Variants in CYP4Z1 observed in about 807,000 individuals in gnomAD.
The protein encoded by CYP4Z1 is cytochrome P450 4Z1.
A neutral mutation model predicts 54.2 loss-of-function variants in CYP4Z1; 41 were observed. The ratio of observed to expected loss-of-function variants is 0.76; its 90% CI spans 0.59 to 0.98. The LOEUF is 0.98. Ranked by LOEUF, CYP4Z1 falls within the 50% of genes least tolerant of loss-of-function variation. The pLI, the probability that CYP4Z1 is intolerant of heterozygous loss-of-function variation, is 0.00. For synonymous variants in CYP4Z1, 163 were observed against 206.2 expected (o/e 0.79, Z 1.79); for missense variants, 513 against 599.0 (o/e 0.86, Z 1.50).
intron 2 of CYP4Z1, among the ~76,000 whole-genome samples, chr1:47,077,068 G>A (rs1371608535): frequency 6.6e-6 from 1 of 151,552 alleles, no homozygotes; most frequent in African/African-American, 2.4e-5. Context: ...CTGTTGTTAG[G>A]TGGAGCTTTT....
At chr1:47,068,814 A>G (rs1170634256) in intron 2 of CYP4Z1, 51 bp downstream of exon 2, 2 of 1,590,444 alleles carry the variant, frequency 1.3e-6, no homozygotes, top group Non-Finnish European at 1.7e-6. Flanking sequence ...AGAGGGTCTC[A>G]GGGTGTCTGT....
At chr1:47,111,533 G>A (rs6588359) in intron 9 of CYP4Z1, among the ~76,000 whole-genome samples, 1,886 of 152,212 alleles carry the variant, frequency 0.012, 60 homozygotes, top group African/African-American at 0.043. Context: ...AACAGTCAAA[G>A]GCACCCTACT....
chr1:47,061,172 T>A, the CYP4Z1 span, among the ~76,000 whole-genome samples: 1 of 152,128 alleles, frequency 6.6e-6, no homozygotes, highest in Non-Finnish European at 1.5e-5. Context: ...ACTCCAAAGC[T>A]AGCAGAAGAC....
the CYP4Z1 span, among the ~76,000 whole-genome samples, chr1:47,057,524 A>G: frequency 7.8e-6 from 1 of 127,646 alleles, no homozygotes; most frequent in Non-Finnish European, 1.6e-5. Context: ...TTTAGATTGC[A>G]TATCTTCCAA....
chr1:47,084,320 A>G (rs1644576279), intron 4 of CYP4Z1, among the ~76,000 whole-genome samples: 1 of 151,180 alleles, frequency 6.6e-6, no homozygotes, highest in African/African-American at 2.4e-5. Flanking sequence ...TTTTTATTCC[A>G]TGTTTTGTCA....
chr1:47,092,213 T>C (rs1376553790), intron 6 of CYP4Z1, among the ~76,000 whole-genome samples: 2 of 152,056 alleles, frequency 1.3e-5, no homozygotes, highest in East Asian at 3.9e-4. Flanking sequence ...CGATAGAAAC[T>C]AGCGGATGCA....
chr1:47,082,104 A>G (rs1452602159), intron 3 of CYP4Z1, among the ~76,000 whole-genome samples: 1 of 151,604 alleles, frequency 6.6e-6, no homozygotes, highest in African/African-American at 2.4e-5. Context: ...GAATCTGACC[A>G]TCAAATAGGA....
intron 8 of CYP4Z1, 39 bp from the exon 9 acceptor site, chr1:47,106,089 C>T (rs779538215): frequency 3.8e-6 from 6 of 1,594,396 alleles, no homozygotes; most frequent in East Asian, 4.5e-5. Flanking sequence ...GCCTAAGTGA[C>T]TACTCCTCCT....
At chr1:47,077,066 A>G (rs1009469914) in intron 2 of CYP4Z1, among the ~76,000 whole-genome samples, 37 of 151,766 alleles carry the variant, frequency 2.4e-4, no homozygotes, top group African/African-American at 8.5e-4. Context: ...TGCTGTTGTT[A>G]GGTGGAGCTT....
At chr1:47,095,979 G>A (rs1371602748) in intron 7 of CYP4Z1, among the ~76,000 whole-genome samples, 1 of 152,118 alleles carries the variant, frequency 6.6e-6, no homozygotes, top group Non-Finnish European at 1.5e-5. Flanking sequence ...AATACTCTGT[G>A]AACTCAACTT....
Position 47,106,188 on chromosome 1 carries a change from C to A in CYP4Z1, c.1128C>A (p.Tyr376Ter), listed in dbSNP as rs142306823. ...GCATCAAGGAATGCCTCCGCCTCTA[C>A]GCACCGGTAGTAAACATATCCCGGT... The part of the protein sequence containing the change: ...TMCIKECLRL[Y>*]APVVNISRLL... Residue 376 changes from tyrosine (Y) to a stop codon, truncating the protein, a stop_gained, in exon 9 of 12, where the codon TAC becomes TAA. Coordinates refer to ENST00000334194, the MANE Select transcript of CYP4Z1 (RefSeq NM_178134.3). LOFTEE classifies it high-confidence loss of function. The A allele has an allele frequency of 3.7e-6, 6 of 1,614,092 alleles. No individual in the cohort carries two copies. Among genetic ancestry groups the A allele is most frequent in the East Asian group, 4.5e-5 (2 of 44,866 alleles).
At chr1:47,086,745 G>A (rs1324830352) in intron 6 of CYP4Z1, among the ~76,000 whole-genome samples, 2 of 152,182 alleles carry the variant, frequency 1.3e-5, no homozygotes, top group South Asian at 2.1e-4. Flanking sequence ...TGCTTTTGGT[G>A]TTTTAGACAT....
chr1:47,082,473 A>C lies in CYP4Z1; in HGVS notation c.492+12A>C. 1 of 1,604,846 alleles carries C rather than the reference A, an allele frequency of 6.2e-7. No individual in the cohort carries two copies. Among genetic ancestry groups the C allele is most frequent in the Non-Finnish European group, 8.5e-7 (1 of 1,175,802 alleles). On this transcript the variant is annotated intron_variant, in intron 4 of 11. Coordinates refer to ENST00000334194, the MANE Select transcript of CYP4Z1 (RefSeq NM_178134.3). ...TTCGGATGATGCTGGTAAGAGGAGA[A>C]GAGAGCATTCGTACCTGGCCTCTGA...
At chr1:47,107,796 G>T (rs960660800) in intron 9 of CYP4Z1, among the ~76,000 whole-genome samples, 3 of 152,008 alleles carry the variant, frequency 2.0e-5, no homozygotes, top group Non-Finnish European at 2.9e-5. Context: ...GTGAGAATCA[G>T]CATGCCTTCT....
chr1:47,115,509 T>C lies in CYP4Z1; in HGVS notation c.1202-20T>C. The C allele has an allele frequency of 6.2e-7, 1 of 1,610,032 alleles. No individual in the cohort carries two copies. The highest frequency in any genetic ancestry group is 1.1e-5 in the South Asian group (1 of 90,166). On this transcript the variant is annotated intron_variant, in intron 9 of 11. Transcript: ENST00000334194. ...AATCTTCGCTCATGCACTTACCTGCTTTTTCTTCTGTTTACTCAGGAATAA... is the reference window on the plus strand; with the variant it reads ...AATCTTCGCTCATGCACTTACCTGCCTTTTCTTCTGTTTACTCAGGAATAA...
intron 6 of CYP4Z1, among the ~76,000 whole-genome samples, chr1:47,089,370 C>T (rs772206781): frequency 4.6e-5 from 7 of 151,592 alleles, no homozygotes; most frequent in Non-Finnish European, 7.4e-5. Context: ...GTGCAGGATA[C>T]GGATAATAAT....
At chr1:47,086,538 GTTGT>G (rs1307948139) in intron 6 of CYP4Z1, among the ~76,000 whole-genome samples, 5 of 152,128 alleles carry the variant, frequency 3.3e-5, no homozygotes, top group African/African-American at 4.8e-5. Context: ...TTTTGATGGG[GTTGT>G]TTGTTTTTTT....
Position 47,105,399 on chromosome 1 carries a change from C to T in CYP4Z1, c.1068-729C>T, listed in dbSNP as rs145034336. ...TGGAGTAATGTCTTCATGCAATCTC[C>T]AGCCGGCTCCTTATGTTAGTCTCAG... On this transcript the variant is annotated intron_variant, in intron 8 of 11. Coordinates refer to ENST00000334194, the MANE Select transcript of CYP4Z1 (RefSeq NM_178134.3). Among the ~76,000 whole-genome samples, 224 of 151,362 alleles carry T rather than the reference C, an allele frequency of 1.5e-3. 4 individuals carry two copies. The highest frequency in any genetic ancestry group is 5.3e-3 in the African/African-American group (214 of 40,710).
chr1:47,086,751 G>C (rs1367333216), intron 6 of CYP4Z1, among the ~76,000 whole-genome samples: 1 of 152,146 alleles, frequency 6.6e-6, no homozygotes, highest in Non-Finnish European at 1.5e-5. Flanking sequence ...TGGTGTTTTA[G>C]ACATGAAGTC....
Sources: allele counts gnomAD v4.1 joint callset (sites outside exome capture counted in the v4.1 genomes callset), GRCh38; gene constraint gnomAD v4.1.1; transcripts MANE v1.5; gene names NCBI Gene and HGNC (gene_info 2026-07-23, HGNC 2026-07-21).